DAB1: variants seen among roughly 807,000 people sequenced by gnomAD.
DAB1 encodes the protein disabled homolog 1.
A neutral mutation model predicts 64.6 loss-of-function variants in DAB1; 15 were observed. The observed-to-expected ratio is 0.23, with a 90% confidence interval of 0.16 to 0.36. The LOEUF (loss-of-function observed/expected upper bound fraction) is 0.36. DAB1 is among the 10% of genes least tolerant of loss of function. DAB1 has a pLI of 1.00. For synonymous variants in DAB1, 235 were observed against 251.9 expected (o/e 0.93, Z 0.64); for missense variants, 596 against 706.7 (o/e 0.84, Z 1.78).
chr1:57,731,662 A>G (rs1647427423), intron 6 of DAB1, among the ~76,000 whole-genome samples: 1 of 152,016 alleles, frequency 6.6e-6, no homozygotes, highest in African/African-American at 2.4e-5. Context: ...AAAATTAGCC[A>G]GGCATGGTGG....
At chr1:58,000,836 G>T (rs1646497196) in intron 5 of DAB1, among the ~76,000 whole-genome samples, 1 of 151,906 alleles carries the variant, frequency 6.6e-6, no homozygotes, top group Non-Finnish European at 1.5e-5. Context: ...CTCCCAAAGT[G>T]CTGGGATTAC....
At chr1:58,040,583 T>C (rs765290540) in intron 5 of DAB1, among the ~76,000 whole-genome samples, 1 of 152,234 alleles carries the variant, frequency 6.6e-6, no homozygotes, top group African/African-American at 2.4e-5. Context: ...TTTGACCTTA[T>C]AAAACTGTGT....
chr1:57,762,705 AT>A (rs1243719421), intron 6 of DAB1, among the ~76,000 whole-genome samples: 3 of 152,176 alleles, frequency 2.0e-5, no homozygotes, highest in Non-Finnish European at 4.4e-5. Flanking sequence ...GTGGACCAGA[AT>A]TTGGGACTTC....
intron 1 of DAB1, among the ~76,000 whole-genome samples, chr1:57,347,138 G>A (rs1206181220): frequency 6.6e-6 from 1 of 152,214 alleles, no homozygotes; most frequent in Non-Finnish European, 1.5e-5. Context: ...CACTTCTGGG[G>A]AGGTGAAGCT....
intron 3 of DAB1, among the ~76,000 whole-genome samples, chr1:58,393,631 A>G (rs849495): frequency 0.044 from 6,637 of 152,304 alleles, 487 homozygotes; most frequent in African/African-American, 0.15. Flanking sequence ...TGAAAACACA[A>G]GAAGATACAT....
intron 7 of DAB1, among the ~76,000 whole-genome samples, chr1:57,566,340 A>T (rs1645120158): frequency 6.6e-6 from 1 of 152,248 alleles, no homozygotes; most frequent in African/African-American, 2.4e-5. Context: ...TCTAAAATTG[A>T]CAACCTAACA....
chr1:57,253,873 G>A (rs1401115127), intron 2 of DAB1, among the ~76,000 whole-genome samples: 3 of 152,098 alleles, frequency 2.0e-5, no homozygotes, highest in Non-Finnish European at 4.4e-5. Flanking sequence ...ATTTATTAAG[G>A]ATAAAACATT....
intron 6 of DAB1, among the ~76,000 whole-genome samples, chr1:57,695,392 GAAAGAAAGAA>G (rs1179589148): frequency 1.3e-5 from 1 of 79,840 alleles, no homozygotes; most frequent in Non-Finnish European, 2.7e-5. Context: ...AAGAAAGAAA[GAAAGAAAGAA>G]AGAAAGAAAG....
intron 5 of DAB1, among the ~76,000 whole-genome samples, chr1:58,038,315 G>A (rs777543396): frequency 6.6e-6 from 1 of 152,192 alleles, no homozygotes; most frequent in Non-Finnish European, 1.5e-5. Flanking sequence ...GGATGGAAGA[G>A]TGGAAGGAAT....
At chr1:57,306,141 G>A (rs917236629) in intron 1 of DAB1, among the ~76,000 whole-genome samples, 9 of 152,130 alleles carry the variant, frequency 5.9e-5, no homozygotes, top group African/African-American at 2.2e-4. Flanking sequence ...CACAGGCACA[G>A]AAGTGATAAA....
intron 2 of DAB1, among the ~76,000 whole-genome samples, chr1:57,150,982 C>T (rs1659613802): frequency 6.6e-6 from 1 of 152,038 alleles, no homozygotes; most frequent in Non-Finnish European, 1.5e-5. Context: ...ATAAGAAAAC[C>T]CTGTCTCAAA....
intron 5 of DAB1, among the ~76,000 whole-genome samples, chr1:58,010,517 A>T (rs1194500982): frequency 6.6e-6 from 1 of 152,208 alleles, no homozygotes; most frequent in African/African-American, 2.4e-5. Context: ...ATGTTTATGC[A>T]TCAAAAAAAT....
At chr1:57,795,690 G>GATATAT (rs3081038) in intron 6 of DAB1, among the ~76,000 whole-genome samples, 2,429 of 68,876 alleles carry the variant, frequency 0.035, 152 homozygotes, top group African/African-American at 0.039. Flanking sequence ...TATGCTTGGA[G>GATATAT]ATATATATAT....
At chr1:57,420,242 A>G (rs1458005987) in intron 1 of DAB1, among the ~76,000 whole-genome samples, 1 of 152,148 alleles carries the variant, frequency 6.6e-6, no homozygotes. Context: ...ACACCCTGGG[A>G]GCTAGCTGGG....
chr1:57,890,586 A>G (rs1644297116), intron 5 of DAB1, among the ~76,000 whole-genome samples: 1 of 150,554 alleles, frequency 6.6e-6, no homozygotes, highest in African/African-American at 2.4e-5. Context: ...CTCTCAAGTC[A>G]CTGGGATCCC....
chr1:57,314,508 A>G (rs938921235), intron 1 of DAB1, among the ~76,000 whole-genome samples: 1 of 152,142 alleles, frequency 6.6e-6, no homozygotes, highest in African/African-American at 2.4e-5. Context: ...TTGAATGCCA[A>G]TCCCTGCTTA....
intron 7 of DAB1, among the ~76,000 whole-genome samples, chr1:57,535,232 A>C (rs1644711971): frequency 6.6e-6 from 1 of 152,148 alleles, no homozygotes; most frequent in Admixed American, 6.5e-5. Context: ...CTTTCCTACA[A>C]CAATATAAAT....
intron 3 of DAB1, among the ~76,000 whole-genome samples, chr1:58,463,702 C>A (rs1432703300): frequency 6.6e-6 from 1 of 152,154 alleles, no homozygotes; most frequent in African/African-American, 2.4e-5. Flanking sequence ...CCTCCATGGG[C>A]AAAAATGTGC....
intron 9 of DAB1, among the ~76,000 whole-genome samples, chr1:57,027,637 G>T (rs1429587737): frequency 6.6e-6 from 1 of 152,166 alleles, no homozygotes; most frequent in Non-Finnish European, 1.5e-5. Context: ...GGGCAATGGA[G>T]ATGATAAGAT....
Sources: allele counts gnomAD v4.1 joint callset (sites outside exome capture counted in the v4.1 genomes callset), GRCh38; gene constraint gnomAD v4.1.1; transcripts MANE v1.5; gene names NCBI Gene and HGNC (gene_info 2026-07-23, HGNC 2026-07-21).